Variants in ADAMTS6 observed in about 807,000 individuals in gnomAD.
The protein encoded by ADAMTS6 is A disintegrin and metalloproteinase with thrombospondin motifs 6.
ADAMTS6 carries 23 observed loss-of-function variants against 144.3 expected under a neutral mutation model. The ratio of observed to expected loss-of-function variants is 0.16; its 90% confidence interval spans 0.11 to 0.23. The LOEUF is 0.23. ADAMTS6 is among the 10% of genes least tolerant of loss of function. ADAMTS6 has a pLI of 1.00. For missense variants in ADAMTS6, 999 were observed against 1,379.6 expected (o/e 0.72, Z 4.37); for synonymous variants, 444 against 457.5 (o/e 0.97, Z 0.38).
intron 12 of ADAMTS6, among the ~76,000 whole-genome samples, chr5:65,263,249 T>G (rs954133575): frequency 2.0e-5 from 3 of 152,168 alleles, no homozygotes; most frequent in Non-Finnish European, 2.9e-5. Context: ...ACTTTTAGTG[T>G]TTCTCATTAT....
At chr5:65,331,602 G>T (rs1369560989) in intron 8 of ADAMTS6, among the ~76,000 whole-genome samples, 2 of 151,942 alleles carry the variant, frequency 1.3e-5, no homozygotes, top group Admixed American at 1.3e-4. Context: ...ATGTGTGATT[G>T]TGTTAATGGC....
intron 21 of ADAMTS6, among the ~76,000 whole-genome samples, chr5:65,190,834 A>G (rs917371235): frequency 3.9e-5 from 6 of 152,170 alleles, no homozygotes; most frequent in Middle Eastern, 6.8e-3. Flanking sequence ...TGCTCATCGT[A>G]TCATCCCTTC....
intron 22 of ADAMTS6, among the ~76,000 whole-genome samples, chr5:65,186,992 G>GAAC (rs1250750764): frequency 6.6e-6 from 1 of 152,136 alleles, no homozygotes; most frequent in Admixed American, 6.5e-5. Context: ...GGTTCCTAAA[G>GAAC]AACAACGTTT....
chr5:65,418,192 C>A (rs145456959), intron 7 of ADAMTS6, among the ~76,000 whole-genome samples: 167 of 152,230 alleles, frequency 1.1e-3, no homozygotes, highest in African/African-American at 3.8e-3. Context: ...GGGCACCCAC[C>A]TTTTACTATA....
intron 6 of ADAMTS6, 139 bp downstream of exon 6, chr5:65,451,994 T>A: frequency 3.0e-6 from 2 of 676,436 alleles, no homozygotes; most frequent in Non-Finnish European, 2.3e-6. Flanking sequence ...AGATATTAAA[T>A]GTGTAGAGCT....
At chr5:65,326,129 G>A (rs543786179) in intron 9 of ADAMTS6, among the ~76,000 whole-genome samples, 17 of 151,604 alleles carry the variant, frequency 1.1e-4, no homozygotes, top group Non-Finnish European at 2.5e-4. Flanking sequence ...CCCTTGTTAA[G>A]ATTATTTGTT....
chr5:65,163,924 T>C (rs1159006398), intron 24 of ADAMTS6, among the ~76,000 whole-genome samples: 1 of 152,216 alleles, frequency 6.6e-6, no homozygotes, highest in Non-Finnish European at 1.5e-5. Context: ...TACTTTCATT[T>C]AAATAACAGA....
intron 7 of ADAMTS6, among the ~76,000 whole-genome samples, chr5:65,398,745 T>G (rs111821785): frequency 6.3e-5 from 6 of 95,740 alleles, no homozygotes; most frequent in Admixed American, 2.4e-4. Flanking sequence ...GAAAGAGAGA[T>G]AAAGAGAGAA....
At chr5:65,479,025 G>A (rs999365746) in intron 1 of ADAMTS6, among the ~76,000 whole-genome samples, 1 of 152,086 alleles carries the variant, frequency 6.6e-6, no homozygotes, top group Non-Finnish European at 1.5e-5. Flanking sequence ...GAGTAGCCAA[G>A]GTAATAATTT....
At chr5:65,370,590 C>G (rs534321483) in intron 7 of ADAMTS6, among the ~76,000 whole-genome samples, 3 of 152,220 alleles carry the variant, frequency 2.0e-5, no homozygotes, top group South Asian at 2.1e-4. Context: ...TGGCGCACCA[C>G]GAGATTATAT....
At position 65,172,981 on chromosome 5, in the gene ADAMTS6, T is replaced by C; in HGVS notation, c.2938A>G (p.Lys980Glu). The change falls in exon 23 of 25, where the codon AAG becomes GAG. Residue 980 changes from lysine (K) to glutamate (E), a missense_variant. By Grantham distance (56) the Lys-to-Glu change is moderately conservative. Around this residue, in one of 3 missense-constraint regions of ADAMTS6, gnomAD observed 619 missense variants for 837.0 expected, o/e 0.74. Transcript: ENST00000381055. ...ECTPKCGPGF[K>E]HRIVLCKSSD... is the part of the protein sequence containing the mutation. ...CTCTTGCACAGAACAATCCGATGCT[T>C]GAATCCTGGACCACATTTTGGAGTA... is the stretch of plus-strand genomic sequence containing the variant. 1 of 1,614,116 alleles carries C rather than the reference T, an allele frequency of 6.2e-7. No homozygotes were observed.
At chr5:65,379,940 T>C (rs573680797) in intron 7 of ADAMTS6, among the ~76,000 whole-genome samples, 1 of 152,244 alleles carries the variant, frequency 6.6e-6, no homozygotes, top group Non-Finnish European at 1.5e-5. Flanking sequence ...ATTTCTCGAA[T>C]TCCTAATAGA....
chr5:65,195,420 G>C (rs544648980), intron 21 of ADAMTS6, among the ~76,000 whole-genome samples: 2 of 152,136 alleles, frequency 1.3e-5, no homozygotes, highest in Non-Finnish European at 2.9e-5. Context: ...AAAAGTCTTA[G>C]AACAAAAACT....
At position 65,426,420 on chromosome 5, in the gene ADAMTS6, T is replaced by C. The variant is rs528184708; in HGVS notation, c.1073+25055A>G. Among the ~76,000 whole-genome samples, 6 of 152,072 alleles carry C rather than the reference T, an allele frequency of 3.9e-5. No homozygotes were observed. In the South Asian group the frequency reaches 1.0e-3, roughly 26 times the overall value. ...TCTCAGCCTTTTGGCTAAAATCAAG[T>C]TTAGATTTATCTTCTTTTTATTTTA... On this transcript the variant is annotated intron_variant, in intron 7 of 24. Coordinates refer to ENST00000381055, the MANE Select transcript of ADAMTS6 (RefSeq NM_197941.4).
chr5:65,471,040 G>A lies in ADAMTS6; in HGVS notation c.200C>T (p.Ser67Leu). ...LSFTVKNDKHSRRRRSMDPID... is the reference protein window; with the variant it reads ...LSFTVKNDKHLRRRRSMDPID... ...AGGGTCCATACTCCGTCTTCTCCTT[G>A]AGTGTTTATCATTTTTCACAGTAAA... is the stretch of plus-strand genomic sequence containing the variant. Residue 67 changes from serine to leucine, a missense_variant, in exon 3 of 25, where the codon TCA (serine) becomes TTA (leucine). Coordinates refer to ENST00000381055, the MANE Select transcript of ADAMTS6 (RefSeq NM_197941.4). 6.2e-7 allele frequency: 1 copy of A among 1,611,768 alleles called. No homozygotes were observed. The highest frequency in any genetic ancestry group is 8.5e-7 in the Non-Finnish European group (1 of 1,179,246).
At chr5:65,350,451 G>A (rs1267675627) in intron 7 of ADAMTS6, among the ~76,000 whole-genome samples, 1 of 151,520 alleles carries the variant, frequency 6.6e-6, no homozygotes, top group African/African-American at 2.4e-5. Flanking sequence ...ACTTTTCCAC[G>A]TCCTTCTTTA....
chr5:65,179,950 ACGCACG>A (rs58126546), intron 22 of ADAMTS6, among the ~76,000 whole-genome samples: 9,742 of 93,922 alleles, frequency 0.1, 1,042 homozygotes, highest in African/African-American at 0.32. Flanking sequence ...ACACATGTGC[ACGCACG>A]CGCACACACA....
chr5:65,342,539 A>T (rs10078377), intron 7 of ADAMTS6, among the ~76,000 whole-genome samples: 87,077 of 151,854 alleles, frequency 0.57, 26,421 homozygotes, highest in African/African-American at 0.78. Flanking sequence ...CTAAACCATA[A>T]CAGAAGGAAA....
At chr5:65,466,729 A>G (rs1049318972) in intron 3 of ADAMTS6, among the ~76,000 whole-genome samples, 1 of 152,224 alleles carries the variant, frequency 6.6e-6, no homozygotes, top group African/African-American at 2.4e-5. Flanking sequence ...GGGACTGAAG[A>G]TAATCAGTCT....
Sources: allele counts gnomAD v4.1 joint callset (sites outside exome capture counted in the v4.1 genomes callset), GRCh38; gene constraint gnomAD v4.1.1; regional missense constraint gnomAD v4.1.1; transcripts MANE v1.5; gene names NCBI Gene and HGNC (gene_info 2026-07-23, HGNC 2026-07-21).